The following PROX2 variants were observed in gnomAD, a reference collection of about 807,000 sequenced individuals.
The protein encoded by PROX2 is prospero homeobox 2.
PROX2 carries 46 observed loss-of-function variants against 48.9 expected under a neutral mutation model. The ratio of observed to expected loss-of-function variants is 0.94; its 90% CI spans 0.74 to 1.20. The LOEUF is 1.20. Among genes scored for constraint, PROX2 ranks in the 50% most tolerant of loss-of-function variants. The pLI is 0.00. For missense variants in PROX2, 663 were observed against 719.4 expected, an observed-to-expected ratio of 0.92 and a Z score of 0.90; for synonymous variants, 260 against 276.6, an observed-to-expected ratio of 0.94 and a Z score of 0.60.
intron 3 of PROX2, chr14:74,859,495 T>G (rs1352907225): frequency 1.3e-5 from 2 of 152,230 alleles, no homozygotes; most frequent in Non-Finnish European, 2.9e-5. Flanking sequence ...GATTCCAAAC[T>G]ATACCTCACT....
Position 74,858,474 on chromosome 14 carries a change from T to C in PROX2, c.1346A>G (p.Lys449Arg), listed in dbSNP as rs1157428017. Residue 449 changes from lysine (K) to arginine (R), a missense_variant, in exon 4 of 6, where the codon AAA becomes AGA. Lys to Arg is a conservative substitution (Grantham distance 26, BLOSUM62 2). Coordinates refer to ENST00000556489, the MANE Select transcript of PROX2 (RefSeq NM_001243007.2). ...GLNPGHLKKAKLMFFFTRYPS... is the reference protein window; with the variant it reads ...GLNPGHLKKARLMFFFTRYPS... ...ATATCGTGTGAAGAAAAACATTAGT[T>C]TGGCCTTCTTCAAGTGACCAGGGTT... is the stretch of plus-strand genomic sequence containing the variant. The C allele has an allele frequency of 4.4e-6, 7 of 1,585,486 alleles. No homozygotes were observed. Among genetic ancestry groups the C allele is most frequent in the Non-Finnish European group, 5.2e-6 (6 of 1,164,610 alleles).
Position 74,863,574 on chromosome 14 carries a change from C to T in PROX2, c.261G>A (p.Ala87=), listed in dbSNP as rs771419514. The T allele has an allele frequency of 5.0e-6, 8 of 1,612,560 alleles. No individual in the cohort carries two copies. The highest frequency in any genetic ancestry group is 4.5e-5 in the East Asian group (2 of 44,872). The change falls in exon 3 of 6, where the codon GCG becomes GCA. Residue 87 remains alanine (A), a synonymous_variant. Coordinates refer to ENST00000556489, the MANE Select transcript of PROX2 (RefSeq NM_001243007.2). ...GGCAGCGTGGGCTGACCCCAGCTTG[C>T]GCATTGCCTGGCACCAGAGGATTCG... is the stretch of plus-strand genomic sequence containing the variant. The part of the protein sequence containing the change: ...LSPNPLVPGN[A]QAGVSPRCPK...
intron 2 of PROX2, among the ~76,000 whole-genome samples, chr14:74,866,428 T>C (rs1328612320): frequency 6.6e-6 from 1 of 152,058 alleles, no homozygotes; most frequent in Non-Finnish European, 1.5e-5. Flanking sequence ...GTCCAAGTCC[T>C]GGGACACAGG....
At chr14:74,858,770 G>T in intron 3 of PROX2, 12 of 302,486 alleles carry the variant, frequency 4.0e-5, no homozygotes, top group East Asian at 6.7e-5. Context: ...AATACAGGTT[G>T]GTGTATTTTG....
chr14:74,861,908 A>G (rs548633476), intron 3 of PROX2, among the ~76,000 whole-genome samples: 2 of 152,284 alleles, frequency 1.3e-5, no homozygotes, highest in South Asian at 2.1e-4. Context: ...TCCTAAGTTT[A>G]TGGGTGGCTG....
At position 74,862,785 on chromosome 14, in the gene PROX2, C is replaced by T. The variant is rs1219835724; in HGVS notation, c.1050G>A (p.Leu350=). ...IQENQILSQL[L]GHRYNNGHWS... Reference sequence around the variant, plus strand: ...AATGGCCATTGTTGTATCTATGACCCAGTAGCTGGCTAAGAATCTGATTTT... The same window carrying T: ...AATGGCCATTGTTGTATCTATGACCTAGTAGCTGGCTAAGAATCTGATTTT... Residue 350 remains leucine, a synonymous_variant, in exon 3 of 6, where the codon CTG becomes CTA. Coordinates refer to ENST00000556489, the MANE Select transcript of PROX2 (RefSeq NM_001243007.2). The T allele has an allele frequency of 6.2e-7, 1 of 1,613,870 alleles. No homozygotes were observed. The highest frequency in any genetic ancestry group is 1.3e-5 in the African/African-American group (1 of 74,900).
rs1487696442 is a variant in PROX2, at chr14:74,862,929, A to G, written c.906T>C (p.Asn302=). ...VQLQAGVPVG[N]LSLAKRLDSP... is the part of the protein sequence containing the mutation. ...AATCTAGACGCTTGGCCAGTGATAAATTTCCTACTGGGACCCCAGCTTGTA... is the reference window on the plus strand; with the variant it reads ...AATCTAGACGCTTGGCCAGTGATAAGTTTCCTACTGGGACCCCAGCTTGTA... The change falls in exon 3 of 6, where the codon AAT becomes AAC. Residue 302 remains asparagine, a synonymous_variant. Transcript: ENST00000556489. The G allele has an allele frequency of 1.2e-6, 2 of 1,613,718 alleles. No homozygotes were observed. Among genetic ancestry groups the G allele is most frequent in the African/African-American group, 2.7e-5 (2 of 74,858 alleles).
chr14:74,870,439 A>ACACACACACACACACAC (rs1555371979), intron 2 of PROX2, among the ~76,000 whole-genome samples: 1 of 29,936 alleles, frequency 3.3e-5, no homozygotes, highest in African/African-American at 2.4e-4. Flanking sequence ...AAAAAAAAAA[A>ACACACACACACACACAC]ATACACACAC....
rs1298754781 is a variant in PROX2 at position 74,853,706 on chromosome 14, G to A, written c.*1426C>T. On this transcript the variant is annotated 3_prime_UTR_variant, in exon 6 of 6. Coordinates refer to ENST00000556489, the MANE Select transcript of PROX2 (RefSeq NM_001243007.2). ...CTTGTTTTATATAGACAGGAAAGAA[G>A]CTAATGAACTCACAGACACCCCTTA... 1 of 152,196 alleles carries A rather than the reference G, an allele frequency of 6.6e-6. No individual in the cohort carries two copies. Among genetic ancestry groups the A allele is most frequent in the Non-Finnish European group, 1.5e-5 (1 of 68,038 alleles). The allele number at this position is 152,196 out of a possible 1,614,324, so 9.4% of individuals were successfully genotyped here.
Position 74,863,100 on chromosome 14 carries a change from T to C in PROX2, c.735A>G (p.Val245=). ...TCAGGTGGCCTGGTGGATCCAATAGTACCTTTTGTAATACCGAGTCCACAG... is the reference window on the plus strand; with the variant it reads ...TCAGGTGGCCTGGTGGATCCAATAGCACCTTTTGTAATACCGAGTCCACAG... ...SQAVDSVLQK[V]LLDPPGHLTQ... The change falls in exon 3 of 6, where the codon GTA becomes GTG. Residue 245 remains valine, a synonymous_variant. Coordinates refer to ENST00000556489, the MANE Select transcript of PROX2 (RefSeq NM_001243007.2). 6.2e-7 allele frequency: 1 copy of C among 1,613,998 alleles called. No homozygotes were observed. The highest frequency in any genetic ancestry group is 8.5e-7 in the Non-Finnish European group (1 of 1,179,874).
chr14:74,873,792 G>T, intron 1 of PROX2: 1 of 462,788 alleles, frequency 2.2e-6, no homozygotes. Context: ...TCACATTGCA[G>T]CATGTATGCT....
chr14:74,864,700 G>A (rs1220416389), intron 2 of PROX2, among the ~76,000 whole-genome samples: 1 of 152,084 alleles, frequency 6.6e-6, no homozygotes, highest in Non-Finnish European at 1.5e-5. Context: ...AATTAGCTGG[G>A]CGTGATGGCG....
rs1261492580 is a variant in PROX2 at position 74,853,369 on chromosome 14, G to T, written c.*1763C>A. 3.3e-5 allele frequency: 5 copies of T among 152,208 alleles called. No individual in the cohort carries two copies. Among genetic ancestry groups the T allele is most frequent in the Non-Finnish European group, 7.3e-5 (5 of 68,056 alleles). The allele number at this position is 152,208 out of a possible 1,614,324, so 9.4% of individuals were successfully genotyped here. A position where few individuals can be genotyped will look rare whatever the true frequency, so the allele number is the denominator to read the frequency against. On this transcript the variant is annotated 3_prime_UTR_variant, in exon 6 of 6. Transcript: ENST00000556489. ...ACAGAAAACTGATTGCCCTTGCTCA[G>T]AGCACTCCATGCTTGCCTGTGTTTA... is the stretch of plus-strand genomic sequence containing the variant.
chr14:74,856,763 C>G lies in PROX2; in HGVS notation c.1608+38G>C, dbSNP rs189981379. ...AAACTCGAATCATATAGGGAAGACA[C>G]TCATCAGATCTCATGGGAACCCAGT... On this transcript the variant is annotated intron_variant, in intron 5 of 5. Transcript: ENST00000556489. The G allele has an allele frequency of 3.2e-6, 5 of 1,540,558 alleles. No individual in the cohort carries two copies. The East Asian group carries it at 9.0e-5, about 28-fold the overall frequency.
In PROX2 at chr14:74,863,541, CT is replaced by C; in HGVS notation, c.293del (p.Lys98ArgfsTer18). 6.2e-7 allele frequency: 1 copy of C among 1,613,596 alleles called. No homozygotes were observed. The highest frequency in any genetic ancestry group is 8.5e-7 in the Non-Finnish European group (1 of 1,179,716). ...TCTGCTTCCTCTTCCTCTCTCGGGC[CT>C]TCTTTGGGCAGCGTGGGCTGACCCC... ...QAGVSPRCPK[K>X]ARERKRKQNL... On this transcript the variant is annotated frameshift_variant, in exon 3 of 6. Transcript: ENST00000556489. LOFTEE classifies it high-confidence loss of function.
At position 74,875,037 on chromosome 14, in the gene PROX2, C is replaced by G. The variant is rs538575726; in HGVS notation, c.-310+858G>C. Among the ~76,000 whole-genome samples, 9 of 152,056 alleles carry G rather than the reference C, an allele frequency of 5.9e-5. No individual in the cohort carries two copies. In the South Asian group the frequency reaches 1.7e-3, roughly 28 times the overall value. The stretch of plus-strand genomic sequence containing the variant: ...GTGCATGCCTGTAATCCCAGCTACT[C>G]AGGAGGCTGAGGCAGGGAGAATTGC... On this transcript the variant is annotated intron_variant, in intron 1 of 5. Transcript: ENST00000556489.
In PROX2 at chr14:74,862,851, G is replaced by A. The variant is rs2091806739; in HGVS notation, c.984C>T (p.Pro328=). The change falls in exon 3 of 6, where the codon CCC becomes CCT. Residue 328 remains proline, a synonymous_variant. Transcript: ENST00000556489. ...PRMTPKPCQD[P]PANFPLTAPS... ...GTGCAGTCAAGGGAAAGTTTGCTGG[G>A]GGATCCTGACAGGGTTTGGGGGTCA... is the stretch of plus-strand genomic sequence containing the variant. 2 of 1,613,958 alleles carry A rather than the reference G, an allele frequency of 1.2e-6. No homozygotes were observed. The highest frequency in any genetic ancestry group is 1.6e-4 in the Middle Eastern group (1 of 6,062).
At chr14:74,858,766 G>T in intron 3 of PROX2, 1 of 375,632 alleles carries the variant, frequency 2.7e-6, no homozygotes, top group Non-Finnish European at 4.8e-6. Flanking sequence ...GTCAAATACA[G>T]GTTGGTGTAT....
At position 74,855,169 on chromosome 14, in the gene PROX2, A is replaced by G; in HGVS notation, c.1742T>C (p.Ile581Thr). Residue 581 changes from isoleucine (I) to threonine (T), a missense_variant, in exon 6 of 6, where the codon ATC becomes ACC. Physicochemically the swap from Ile to Thr is moderately conservative, Grantham distance 89. Transcript: ENST00000556489. ...YKIISKLDSD[I>T]PEIFKSSSYP... is the part of the protein sequence containing the mutation. ...GCTGGAAGATTTGAATATCTCTGGGATGTCACTGTCCAGTTTCGAAATAAT... is the reference window on the plus strand; with the variant it reads ...GCTGGAAGATTTGAATATCTCTGGGGTGTCACTGTCCAGTTTCGAAATAAT... The G allele has an allele frequency of 6.3e-7, 1 of 1,588,380 alleles. No individual in the cohort carries two copies. Among genetic ancestry groups the G allele is most frequent in the Non-Finnish European group, 8.6e-7 (1 of 1,163,146 alleles).
Sources: allele counts gnomAD v4.1 joint callset (sites outside exome capture counted in the v4.1 genomes callset), GRCh38; gene constraint gnomAD v4.1.1; transcripts MANE v1.5; gene names NCBI Gene and HGNC (gene_info 2026-07-23, HGNC 2026-07-21).